Variants in STT3B observed in about 807,000 individuals in gnomAD.
STT3B encodes dolichyl-diphosphooligosaccharide--protein glycosyltransferase subunit STT3B.
Under a neutral mutation model 96.8 loss-of-function variants are expected in STT3B, and 29 were observed. The observed-to-expected ratio is 0.30, with a 90% CI of 0.22 to 0.41. The LOEUF is 0.41. Ranked by LOEUF, STT3B falls within the 10% of genes least tolerant of loss-of-function variation. The pLI, the probability that STT3B is intolerant of heterozygous loss-of-function variation, is 1.00. For synonymous variants in STT3B, 367 were observed against 360.0 expected (o/e 1.02, Z -0.22); for missense variants, 640 against 1,022.3 (o/e 0.63, Z 5.10).
rs762244756 is a variant in STT3B, at chr3:31,633,028, A to G, written c.2281A>G (p.Thr761Ala). The G allele has an allele frequency of 8.7e-6, 14 of 1,614,126 alleles. No individual in the cohort carries two copies. Among genetic ancestry groups the G allele is most frequent in the Non-Finnish European group, 5.9e-6 (7 of 1,179,968 alleles). The change falls in exon 15 of 16, where the codon ACA becomes GCA. Residue 761 changes from threonine to alanine, a missense_variant. Thr to Ala is a moderately conservative substitution (Grantham distance 58). This residue lies in a region of STT3B where 40 missense variants were observed against 122.2 expected (regional missense o/e 0.33). Transcript: ENST00000295770. ...IKFKHLEEAFTSEHWLVRIYK... is the reference protein window; with the variant it reads ...IKFKHLEEAFASEHWLVRIYK... Reference sequence around the variant, plus strand: ...ATTCAAACATTTGGAAGAAGCCTTTACATCAGAACACTGGCTTGTTAGGAT... The same window carrying G: ...ATTCAAACATTTGGAAGAAGCCTTTGCATCAGAACACTGGCTTGTTAGGAT...
At chr3:31,614,796 G>A (rs529556156) in intron 5 of STT3B, among the ~76,000 whole-genome samples, 8 of 151,906 alleles carry the variant, frequency 5.3e-5, no homozygotes, top group South Asian at 4.1e-4. Context: ...TTCTTGAGTC[G>A]TATGAATGAT....
rs1032524394 is a variant in STT3B at position 31,632,059 on chromosome 3, T to A, written c.2188-876T>A. 7.9e-5 allele frequency among the ~76,000 whole-genome samples: 12 copies of A among 151,696 alleles called. No individual in the cohort carries two copies. The East Asian group carries it at 2.4e-3, about 31-fold the overall frequency. ...TTTGTAGAGACAAGATCTTGCTATGTTGCCCAGGCTGGTCTTGAACTCCTG... is the reference window on the plus strand; with the variant it reads ...TTTGTAGAGACAAGATCTTGCTATGATGCCCAGGCTGGTCTTGAACTCCTG... On this transcript the variant is annotated intron_variant, in intron 14 of 15. Transcript: ENST00000295770.
intron 3 of STT3B, among the ~76,000 whole-genome samples, chr3:31,581,295 A>G (rs1417963314): frequency 6.6e-6 from 1 of 152,214 alleles, no homozygotes; most frequent in Non-Finnish European, 1.5e-5. Context: ...CAGCTAAAAA[A>G]ATTTTAAATC....
intron 3 of STT3B, among the ~76,000 whole-genome samples, chr3:31,593,514 T>C (rs896530185): frequency 6.6e-6 from 1 of 152,132 alleles, no homozygotes; most frequent in African/African-American, 2.4e-5. Context: ...GTTGTAATTG[T>C]TTCTTTAAAT....
chr3:31,561,916 G>T (rs1697889024), intron 1 of STT3B, among the ~76,000 whole-genome samples: 1 of 152,114 alleles, frequency 6.6e-6, no homozygotes. Flanking sequence ...GCATTAGTGT[G>T]TCTGTGATTT....
At chr3:31,583,107 T>TTGA (rs1698449108) in intron 3 of STT3B, among the ~76,000 whole-genome samples, 6 of 152,300 alleles carry the variant, frequency 3.9e-5, no homozygotes, top group Admixed American at 3.9e-4. Flanking sequence ...GGTTGTTCTA[T>TTGA]CCATTATTGA....
intron 1 of STT3B, among the ~76,000 whole-genome samples, chr3:31,572,015 C>CATAATATATATTAATATATGAT (rs1698156118): frequency 7.6e-6 from 1 of 131,954 alleles, no homozygotes; most frequent in African/African-American, 3.1e-5. Flanking sequence ...TTTTATTAAA[C>CATAATATATATTAATATATGAT]ATATTAATAT....
intron 4 of STT3B, among the ~76,000 whole-genome samples, chr3:31,598,768 G>A (rs1042627989): frequency 3.3e-5 from 5 of 151,632 alleles, no homozygotes; most frequent in Non-Finnish European, 5.9e-5. Context: ...AGTCATTACC[G>A]AAATAATGGT....
intron 14 of STT3B, 120 bp from the exon 15 acceptor site, chr3:31,632,815 A>T: frequency 1.2e-6 from 1 of 839,442 alleles, no homozygotes; most frequent in Non-Finnish European, 1.9e-6. Context: ...TAGATAGATT[A>T]CTTGATTGTT....
intron 3 of STT3B, among the ~76,000 whole-genome samples, chr3:31,595,139 G>T (rs1306158656): frequency 3.3e-5 from 5 of 152,158 alleles, no homozygotes; most frequent in African/African-American, 1.2e-4. Context: ...TCTCTGTGCA[G>T]CATTCCTTCC....
chr3:31,585,940 A>G (rs893918346), intron 3 of STT3B, among the ~76,000 whole-genome samples: 1 of 152,100 alleles, frequency 6.6e-6, no homozygotes, highest in African/African-American at 2.4e-5. Flanking sequence ...TTGTTTGGAC[A>G]TATATTATTA....
At position 31,617,943 on chromosome 3, in the gene STT3B, A is replaced by G; in HGVS notation, c.1127A>G (p.Tyr376Cys). 2 of 1,602,374 alleles carry G rather than the reference A, an allele frequency of 1.2e-6. No individual in the cohort carries two copies. Among genetic ancestry groups the G allele is most frequent in the Non-Finnish European group, 1.7e-6 (2 of 1,169,794 alleles). The change falls in exon 8 of 16, where the codon TAC becomes TGC. Residue 376 changes from tyrosine to cysteine, a missense_variant. Coordinates refer to ENST00000295770, the MANE Select transcript of STT3B (RefSeq NM_178862.3). ...LSVIYLTYTG[Y>C]IAPWSGRFYS... ...CATCCATGTTTTTCCTTCCAAGGTT[A>G]CATTGCACCATGGAGTGGCAGGTTT...
intron 1 of STT3B, among the ~76,000 whole-genome samples, chr3:31,553,470 C>G (rs1368301904): frequency 6.6e-6 from 1 of 152,044 alleles, no homozygotes; most frequent in Non-Finnish European, 1.5e-5. Flanking sequence ...GAATATATCT[C>G]AAAAACATGT....
chr3:31,534,661 GGA>G (rs1166510595), intron 1 of STT3B, among the ~76,000 whole-genome samples: 8 of 152,158 alleles, frequency 5.3e-5, no homozygotes, highest in African/African-American at 1.2e-4. Flanking sequence ...TCTGCATTAT[GGA>G]GAGAAAAATT....
At chr3:31,581,918 GGTA>G (rs781616381) in intron 3 of STT3B, among the ~76,000 whole-genome samples, 2 of 152,034 alleles carry the variant, frequency 1.3e-5, no homozygotes, top group Non-Finnish European at 2.9e-5. Context: ...ACTTAGTCTT[GGTA>G]GGTTTTTGTG....
rs539478054 is a variant in STT3B, at chr3:31,547,994, A to G, written c.314+14682A>G. Among the ~76,000 whole-genome samples, 16 of 152,290 alleles carry G rather than the reference A, an allele frequency of 1.1e-4. No homozygotes were observed. In the South Asian group the frequency reaches 1.2e-3, roughly 12 times the overall value. ...GGAAATAATAATACTTAGTGGAAGGATTCTTGGACATGTAATGAAATGCAG... is the reference window on the plus strand; with the variant it reads ...GGAAATAATAATACTTAGTGGAAGGGTTCTTGGACATGTAATGAAATGCAG... On this transcript the variant is annotated intron_variant, in intron 1 of 15. Coordinates refer to ENST00000295770, the MANE Select transcript of STT3B (RefSeq NM_178862.3).
chr3:31,575,596 G>T (rs1161508703), intron 1 of STT3B, among the ~76,000 whole-genome samples: 1 of 151,990 alleles, frequency 6.6e-6, no homozygotes, highest in Non-Finnish European at 1.5e-5. Context: ...CTGATCTGGG[G>T]TATAAGGATT....
chr3:31,541,472 GTTT>G (rs1302731899), intron 1 of STT3B, among the ~76,000 whole-genome samples: 1 of 106,930 alleles, frequency 9.4e-6, no homozygotes, highest in Non-Finnish European at 2.0e-5. Flanking sequence ...TTCTTTTTTT[GTTT>G]TTTTTTTTTT....
chr3:31,627,250 A>G (rs1411163560), intron 13 of STT3B, among the ~76,000 whole-genome samples: 2 of 152,216 alleles, frequency 1.3e-5, no homozygotes, highest in African/African-American at 2.4e-5. Context: ...CAGCGGCAGC[A>G]TTAGATTTTC....
Sources: gnomAD v4.1 joint callset for allele counts (sites outside exome capture counted in the v4.1 genomes callset) on GRCh38, gnomAD v4.1.1 for gene constraint, gnomAD v4.1.1 regional missense constraint, MANE v1.5 for transcripts, NCBI Gene and HGNC (gene_info 2026-07-23, HGNC 2026-07-21) for gene names.